L3MBTL3: variants seen among roughly 807,000 people sequenced by gnomAD.
L3MBTL3 encodes L3MBTL histone methyl-lysine binding protein 3.
In L3MBTL3, 27 loss-of-function variants were observed where a neutral mutation model predicts 102.3. The observed-to-expected ratio is 0.26, with a 90% CI of 0.19 to 0.36. L3MBTL3 has a LOEUF of 0.36. L3MBTL3 is among the 10% of genes least tolerant of loss of function. L3MBTL3 has a pLI of 1.00. For synonymous variants in L3MBTL3, 340 were observed against 320.9 expected (o/e 1.06, Z -0.64); for missense variants, 798 against 955.3 (o/e 0.84, Z 2.17).
intron 2 of L3MBTL3, among the ~76,000 whole-genome samples, chr6:130,038,821 G>A (rs1350366883): frequency 1.3e-5 from 2 of 151,952 alleles, no homozygotes; most frequent in Non-Finnish European, 2.9e-5. Context: ...TGCTTTTGAG[G>A]TCTGTAAAAT....
rs1257596069 is a variant in L3MBTL3 at position 130,049,643 on chromosome 6, T to C, written c.215-113T>C. 6 of 1,179,446 alleles carry C rather than the reference T, an allele frequency of 5.1e-6. No individual in the cohort carries two copies. In the South Asian group the frequency reaches 7.7e-5, roughly 15 times the overall value. The allele number at this position is 1,179,446 out of a possible 1,614,324, so 73.1% of individuals were successfully genotyped here. A position where few individuals can be genotyped will look rare whatever the true frequency, so the allele number is the denominator to read the frequency against. ...GTTAGTTGGAAATTAAGTAAATCCATGTTGTAGCCTACACAGGTGATTTAG... is the reference window on the plus strand; with the variant it reads ...GTTAGTTGGAAATTAAGTAAATCCACGTTGTAGCCTACACAGGTGATTTAG... On this transcript the variant is annotated intron_variant, in intron 4 of 22. Transcript: ENST00000361794.
intron 22 of L3MBTL3, among the ~76,000 whole-genome samples, chr6:130,137,104 G>A (rs1052317520): frequency 6.6e-6 from 1 of 152,188 alleles, no homozygotes; most frequent in Non-Finnish European, 1.5e-5. Context: ...TAGACATTCA[G>A]TATATTTTTG....
intron 8 of L3MBTL3, among the ~76,000 whole-genome samples, chr6:130,055,586 C>A: frequency 8.0e-6 from 1 of 124,482 alleles, no homozygotes; most frequent in Admixed American, 8.0e-5. Flanking sequence ...CTCCTTCTCT[C>A]CCTCTCTCCC....
At chr6:130,091,285 CTGT>C (rs1784029409) in intron 16 of L3MBTL3, among the ~76,000 whole-genome samples, 1 of 152,106 alleles carries the variant, frequency 6.6e-6, no homozygotes, top group South Asian at 2.1e-4. Flanking sequence ...CCTCTGGCAT[CTGT>C]TGTCTTGTAA....
intron 1 of L3MBTL3, among the ~76,000 whole-genome samples, chr6:130,019,104 T>G (rs921830492): frequency 6.6e-6 from 1 of 151,008 alleles, no homozygotes; most frequent in Non-Finnish European, 1.5e-5. Flanking sequence ...GCGGCCGCGT[T>G]GGGCTCAGGC....
intron 2 of L3MBTL3, among the ~76,000 whole-genome samples, chr6:130,027,216 T>A (rs947536657): frequency 6.6e-6 from 1 of 152,192 alleles, no homozygotes; most frequent in African/African-American, 2.4e-5. Context: ...TTGTAGGCAT[T>A]GATTACAAGG....
chr6:130,130,165 G>A (rs558319106), intron 20 of L3MBTL3, among the ~76,000 whole-genome samples: 24 of 152,294 alleles, frequency 1.6e-4, no homozygotes, highest in African/African-American at 3.1e-4. Context: ...ACAGACATAA[G>A]GGCTTTGGTG....
intron 3 of L3MBTL3, among the ~76,000 whole-genome samples, chr6:130,045,292 G>A (rs1243249803): frequency 6.6e-6 from 1 of 152,038 alleles, no homozygotes; most frequent in East Asian, 1.9e-4. Context: ...ACTAGTTGAA[G>A]CCTTCACACG....
chr6:130,104,437 G>C lies in L3MBTL3; in HGVS notation c.1748G>C (p.Cys583Ser), dbSNP rs1419836618. ...TTTTAATCTGTTAGTGCTGCCAACT[G>C]TCCCTATTCAGAAATCAATTTGAAT... is the stretch of plus-strand genomic sequence containing the variant. Reference protein sequence around the residue: ...RHLGPHSAANCPYSEINLNKD... With the variant: ...RHLGPHSAANSPYSEINLNKD... The change falls in exon 19 of 23, where the codon TGT (cysteine) becomes TCT (serine). Residue 583 changes from cysteine to serine, a missense_variant. Physicochemically the swap from Cys to Ser is moderately radical, Grantham distance 112. Coordinates refer to ENST00000361794, the MANE Select transcript of L3MBTL3 (RefSeq NM_032438.4). The C allele has an allele frequency of 2.6e-6, 4 of 1,553,638 alleles. No individual in the cohort carries two copies.
chr6:130,062,533 G>A (rs1422847666), intron 10 of L3MBTL3, among the ~76,000 whole-genome samples: 1 of 148,032 alleles, frequency 6.8e-6, no homozygotes, highest in African/African-American at 2.5e-5. Flanking sequence ...CCACAGGCGT[G>A]TACCACCTGA....
Position 130,052,347 on chromosome 6 carries a change from C to T in L3MBTL3, c.450-512C>T, listed in dbSNP as rs572132130. Among the ~76,000 whole-genome samples the T allele has an allele frequency of 1.7e-4, 26 of 152,236 alleles. 1 individual carries two copies. The highest frequency in any genetic ancestry group is 6.2e-4 in the South Asian group (3 of 4,822). On this transcript the variant is annotated intron_variant, in intron 6 of 22. Coordinates refer to ENST00000361794, the MANE Select transcript of L3MBTL3 (RefSeq NM_032438.4). ...GTCTCAATATCCTGACCTCATGATCCGCCTGCCTCAGCCTCCCGAAATGCT... is the reference window on the plus strand; with the variant it reads ...GTCTCAATATCCTGACCTCATGATCTGCCTGCCTCAGCCTCCCGAAATGCT...
chr6:130,132,087 G>C (rs150571039), intron 20 of L3MBTL3, among the ~76,000 whole-genome samples: 6 of 152,210 alleles, frequency 3.9e-5, no homozygotes, highest in Non-Finnish European at 5.9e-5. Flanking sequence ...AGCACTGTTT[G>C]TAATAGCACC....
At chr6:130,110,900 T>TAAGC (rs1341500522) in intron 19 of L3MBTL3, among the ~76,000 whole-genome samples, 1 of 152,230 alleles carries the variant, frequency 6.6e-6, no homozygotes, top group Admixed American at 6.5e-5. Flanking sequence ...ATTCTTAAGT[T>TAAGC]AAGCTTTGAA....
At chr6:130,041,178 C>G (rs998306987) in intron 2 of L3MBTL3, among the ~76,000 whole-genome samples, 5 of 152,142 alleles carry the variant, frequency 3.3e-5, no homozygotes, top group African/African-American at 1.2e-4. Context: ...TTCCTTATAT[C>G]TTTGTGGTAT....
At chr6:130,062,856 G>C (rs1180168188) in intron 10 of L3MBTL3, among the ~76,000 whole-genome samples, 1 of 150,374 alleles carries the variant, frequency 6.7e-6, no homozygotes, top group African/African-American at 2.4e-5. Context: ...GTAGGTCTAG[G>C]ATCTATCTCT....
chr6:130,133,391 G>A lies in L3MBTL3; in HGVS notation c.1967-61G>A, dbSNP rs1379379488. 20 of 1,538,056 alleles carry A rather than the reference G, an allele frequency of 1.3e-5. No individual in the cohort carries two copies. Among genetic ancestry groups the A allele is most frequent in the Admixed American group, 1.7e-5 (1 of 58,128 alleles). Reference sequence around the variant, plus strand: ...CAGTCTCGTTATCTGGGAGATGCACGGCATTTGGGGCTTTCTTGCTGCTTT... The same window carrying A: ...CAGTCTCGTTATCTGGGAGATGCACAGCATTTGGGGCTTTCTTGCTGCTTT... On this transcript the variant is annotated intron_variant, in intron 20 of 22. Coordinates refer to ENST00000361794, the MANE Select transcript of L3MBTL3 (RefSeq NM_032438.4). This position sits in a 1 kb window ranked among gnomAD's most constrained non-coding sequence, Gnocchi z 4.9.
chr6:130,051,044 A>C (rs1278800704), intron 5 of L3MBTL3, among the ~76,000 whole-genome samples: 1 of 152,180 alleles, frequency 6.6e-6, no homozygotes, highest in African/African-American at 2.4e-5. Flanking sequence ...CTTTCTGCAG[A>C]ATATTTTTTC....
intron 20 of L3MBTL3, among the ~76,000 whole-genome samples, chr6:130,127,888 A>G (rs1786721950): frequency 6.6e-6 from 1 of 152,178 alleles, no homozygotes; most frequent in African/African-American, 2.4e-5. Context: ...TTTATTATAG[A>G]ACAATTAGCA....
At chr6:130,021,107 C>T (rs1483556385) in intron 1 of L3MBTL3, among the ~76,000 whole-genome samples, 18 of 151,822 alleles carry the variant, frequency 1.2e-4, no homozygotes, top group Non-Finnish European at 2.9e-5. Flanking sequence ...ATCTCGGTCG[C>T]GTGGATTTTT....
Sources: allele counts gnomAD v4.1 joint callset (sites outside exome capture counted in the v4.1 genomes callset), GRCh38; gene constraint gnomAD v4.1.1; non-coding constraint Gnocchi (gnomAD v3.1); transcripts MANE v1.5; gene names NCBI Gene and HGNC (gene_info 2026-07-23, HGNC 2026-07-21).